Variants in NUDT9 observed in about 807,000 individuals in gnomAD.
NUDT9 encodes the protein nudix hydrolase 9.
NUDT9 carries 31 observed loss-of-function variants against 41.0 expected under a neutral mutation model. The ratio of observed to expected loss-of-function variants is 0.76; its 90% confidence interval spans 0.57 to 1.02. The LOEUF (loss-of-function observed/expected upper bound fraction) is 1.02. Among genes scored for constraint, NUDT9 ranks in the 50% least tolerant of loss-of-function variants. The probability of loss-of-function intolerance (pLI) is 0.00; values close to 1 mark genes in which losing one functional copy is unlikely to be tolerated. For synonymous variants in NUDT9, 146 were observed against 147.6 expected (o/e 0.99, Z 0.08); for missense variants, 380 against 431.4 (o/e 0.88, Z 1.06).
rs1229328133 is a variant in NUDT9 at position 87,435,022 on chromosome 4, T to A, written c.149T>A (p.Val50Asp). ...SSSWFHLNTN[V>D]MSGSNGSKEN... ...TCTTGGTTTCATCTTAATACCAACG[T>A]CATGTCTGGTTCTAATGGTTCCAAA... Residue 50 changes from valine (V) to aspartate (D), a missense_variant, in exon 2 of 8, where the codon GTC (valine) becomes GAC (aspartate). Transcript: ENST00000302174. The A allele has an allele frequency of 6.2e-7, 1 of 1,613,776 alleles. No homozygotes were observed. Among genetic ancestry groups the A allele is most frequent in the African/African-American group, 1.3e-5 (1 of 74,928 alleles).
chr4:87,443,910 C>T (rs893760900), intron 4 of NUDT9, among the ~76,000 whole-genome samples: 4 of 152,168 alleles, frequency 2.6e-5, no homozygotes, highest in East Asian at 1.9e-4. Context: ...GGTTTCAGAA[C>T]GGGGGAGAGG....
chr4:87,431,348 T>C (rs1721680696), intron 1 of NUDT9, among the ~76,000 whole-genome samples: 2 of 152,346 alleles, frequency 1.3e-5, no homozygotes, highest in South Asian at 4.1e-4. Flanking sequence ...GTAGTAAGTG[T>C]GAGACCTTGA....
chr4:87,429,728 C>T (rs1695537625), intron 1 of NUDT9, among the ~76,000 whole-genome samples: 1 of 138,530 alleles, frequency 7.2e-6, no homozygotes, highest in African/African-American at 2.7e-5. Context: ...CTTTCCCCCT[C>T]ATCTCCTTTT....
chr4:87,451,678 T>C lies in NUDT9; in HGVS notation c.732T>C (p.Ala244=). Residue 244 remains alanine, a synonymous_variant, in exon 6 of 8, where the codon GCT becomes GCC. Transcript: ENST00000302174. ...TCAACTCCTTACAGAAAACCAGTGC[T>C]GAGAAGAGAGAAATAGAGGAAAAGT... The part of the protein sequence containing the change: ...EALNSLQKTS[A]EKREIEEKLH... 1 of 1,613,876 alleles carries C rather than the reference T, an allele frequency of 6.2e-7. No individual in the cohort carries two copies. Among genetic ancestry groups the C allele is most frequent in the Non-Finnish European group, 8.5e-7 (1 of 1,179,860 alleles).
chr4:87,451,536 T>A, intron 5 of NUDT9, 53 bp from the exon 6 acceptor site: 1 of 1,447,282 alleles, frequency 6.9e-7, no homozygotes, highest in Non-Finnish European at 9.6e-7. Flanking sequence ...TAAATATTTG[T>A]TGAACAAATC....
intron 4 of NUDT9, among the ~76,000 whole-genome samples, chr4:87,442,294 T>G (rs1722238422): frequency 6.6e-6 from 1 of 152,180 alleles, no homozygotes; most frequent in Admixed American, 6.5e-5. Flanking sequence ...TGTATGTATA[T>G]CTAAACATAG....
chr4:87,423,969 C>T (rs149325492), intron 1 of NUDT9, among the ~76,000 whole-genome samples: 15 of 152,294 alleles, frequency 9.8e-5, no homozygotes, highest in Non-Finnish European at 1.6e-4. Flanking sequence ...TTATTTCCTC[C>T]GTGTGAACTG....
In NUDT9 at chr4:87,422,743, G is replaced by C; in HGVS notation, c.-163G>C. 1.8e-6 allele frequency: 1 copy of C among 550,080 alleles called. No homozygotes were observed. The highest frequency in any genetic ancestry group is 3.2e-6 in the Non-Finnish European group (1 of 310,782). 34.1% of individuals were successfully genotyped at this position (550,080 alleles called of 1,614,324 possible). A position where few individuals can be genotyped will look rare whatever the true frequency, so the allele number is the denominator to read the frequency against. ...TATCGTGGGAGGGCTCTTGATCTGT[G>C]ATTTATAGATAGGCACAGCTACTCC... On this transcript the variant is annotated 5_prime_UTR_variant, in exon 1 of 8. Coordinates refer to ENST00000302174, the MANE Select transcript of NUDT9 (RefSeq NM_024047.5).
At chr4:87,434,821 G>C (rs1721844369) in intron 1 of NUDT9, among the ~76,000 whole-genome samples, 160 bp from the exon 2 acceptor site, 1 of 152,150 alleles carries the variant, frequency 6.6e-6, no homozygotes. Flanking sequence ...ATTTCACCAT[G>C]TTGGTCAGGC....
chr4:87,438,200 C>T, intron 2 of NUDT9, 77 bp from the exon 3 acceptor site: 1 of 674,524 alleles, frequency 1.5e-6, no homozygotes, highest in South Asian at 1.9e-5. Context: ...TTATGGATAA[C>T]AGATTGACTT....
chr4:87,423,116 C>T (rs1053696203), intron 1 of NUDT9, 104 bp downstream of exon 1: 2 of 753,420 alleles, frequency 2.7e-6, no homozygotes, highest in Non-Finnish European at 4.2e-6. Context: ...CTTTGCCTCT[C>T]GGGTTTTTAT....
rs1206310015 is a variant in NUDT9, at chr4:87,457,843, G to C, written c.875G>C (p.Gly292Ala). 1 of 1,609,054 alleles carries C rather than the reference G, an allele frequency of 6.2e-7. No individual in the cohort carries two copies. The highest frequency in any genetic ancestry group is 1.7e-5 in the Admixed American group (1 of 58,858). The change falls in exon 8 of 8, where the codon GGT becomes GCT. Residue 292 changes from glycine (G) to alanine (A), a missense_variant and splice_region_variant. Physicochemically the swap from Gly to Ala is moderately conservative, Grantham distance 60. Transcript: ENST00000302174. ...TEAVNYHDET[G>A]EIMDNLMLEA... Reference sequence around the variant, plus strand: ...GTGATGGTTTTTCTTTGGCAACCAGGTGAGATAATGGATAATCTTATGCTA... The same window carrying C: ...GTGATGGTTTTTCTTTGGCAACCAGCTGAGATAATGGATAATCTTATGCTA...
intron 7 of NUDT9, 95 bp downstream of exon 7, chr4:87,454,550 T>G: frequency 2.5e-6 from 2 of 801,558 alleles, no homozygotes; most frequent in South Asian, 3.0e-5. Context: ...TTTAGCATCT[T>G]AAACCAATTA....
In NUDT9 at chr4:87,459,032, A is replaced by G. The variant is rs1203919246; in HGVS notation, c.*1011A>G. The G allele has an allele frequency of 2.0e-5, 3 of 152,246 alleles. No individual in the cohort carries two copies. Among genetic ancestry groups the G allele is most frequent in the Non-Finnish European group, 4.4e-5 (3 of 68,034 alleles). The allele number at this position is 152,246 out of a possible 1,614,324, so 9.4% of individuals were successfully genotyped here. A position where few individuals can be genotyped will look rare whatever the true frequency, so the allele number is the denominator to read the frequency against. Reference sequence around the variant, plus strand: ...CACTATTCACAATAGCGAAGACATGAAATCAACCTAAATGTTCATCAGTGA... The same window carrying G: ...CACTATTCACAATAGCGAAGACATGGAATCAACCTAAATGTTCATCAGTGA... On this transcript the variant is annotated 3_prime_UTR_variant, in exon 8 of 8. Coordinates refer to ENST00000302174, the MANE Select transcript of NUDT9 (RefSeq NM_024047.5).
At chr4:87,427,756 G>A (rs1721496799) in intron 1 of NUDT9, among the ~76,000 whole-genome samples, 1 of 152,058 alleles carries the variant, frequency 6.6e-6, no homozygotes, top group African/African-American at 2.4e-5. Flanking sequence ...TTAATTAATG[G>A]CCTTAACTTT....
At chr4:87,431,118 T>A (rs1378382153) in intron 1 of NUDT9, among the ~76,000 whole-genome samples, 3 of 152,218 alleles carry the variant, frequency 2.0e-5, no homozygotes, top group Non-Finnish European at 4.4e-5. Context: ...TGTTTTTATA[T>A]GGTGAAAGGT....
intron 5 of NUDT9, among the ~76,000 whole-genome samples, chr4:87,449,844 C>T (rs2110187032): frequency 6.6e-6 from 1 of 151,874 alleles, no homozygotes; most frequent in South Asian, 2.1e-4. Context: ...TTTGAAGTGG[C>T]CATTTATTTT....
At chr4:87,449,954 C>T (rs1722633991) in intron 5 of NUDT9, among the ~76,000 whole-genome samples, 1 of 152,096 alleles carries the variant, frequency 6.6e-6, no homozygotes, top group Admixed American at 6.6e-5. Context: ...CCTTTGCCTC[C>T]TGGGTTCATG....
Position 87,438,322 on chromosome 4 carries a change from T to C in NUDT9, c.393T>C (p.Val131=). The C allele has an allele frequency of 6.2e-7, 1 of 1,611,958 alleles. No homozygotes were observed. The highest frequency in any genetic ancestry group is 2.2e-5 in the East Asian group (1 of 44,798). The change falls in exon 3 of 8, where the codon GTT becomes GTC. Residue 131 remains valine (V), a synonymous_variant. Coordinates refer to ENST00000302174, the MANE Select transcript of NUDT9 (RefSeq NM_024047.5). ...AGTTTAACGAAAAGGATGGGCATGTTGAGAGAAAGAGCAAGAATGGCCTGT... is the reference window on the plus strand; with the variant it reads ...AGTTTAACGAAAAGGATGGGCATGTCGAGAGAAAGAGCAAGAATGGCCTGT... ...SPKFNEKDGH[V]ERKSKNGLYE...
Sources: allele counts gnomAD v4.1 joint callset (sites outside exome capture counted in the v4.1 genomes callset), GRCh38; gene constraint gnomAD v4.1.1; transcripts MANE v1.5; gene names NCBI Gene and HGNC (gene_info 2026-07-23, HGNC 2026-07-21).